The following FBXL7 variants were observed in gnomAD, a reference collection of about 807,000 sequenced individuals.
FBXL7 encodes the protein F-box and leucine rich repeat protein 7.
In FBXL7, 12 loss-of-function variants were observed where a neutral mutation model predicts 38.3. The ratio of observed to expected loss-of-function variants is 0.31; its 90% confidence interval spans 0.20 to 0.51. The LOEUF is 0.51. Among genes scored for constraint, FBXL7 ranks in the 20% least tolerant of loss-of-function variants. FBXL7 has a pLI of 0.98. For missense variants in FBXL7, 567 were observed against 676.4 expected (o/e 0.84, Z 1.79); for synonymous variants, 297 against 300.9 (o/e 0.99, Z 0.13).
intron 2 of FBXL7, among the ~76,000 whole-genome samples, chr5:15,702,146 G>A (rs1246043954): frequency 6.6e-6 from 1 of 151,176 alleles, no homozygotes; most frequent in East Asian, 2.0e-4. Flanking sequence ...ACTGGGGCAG[G>A]AAAATCGCTT....
chr5:15,570,721 G>C (rs534397846), intron 1 of FBXL7, among the ~76,000 whole-genome samples: 25 of 152,322 alleles, frequency 1.6e-4, no homozygotes, highest in African/African-American at 5.8e-4. Context: ...ACACGGCTCG[G>C]CCTGGACTTG....
intron 2 of FBXL7, among the ~76,000 whole-genome samples, chr5:15,804,879 C>G (rs1274094083): frequency 6.6e-6 from 1 of 152,190 alleles, no homozygotes; most frequent in Non-Finnish European, 1.5e-5. Flanking sequence ...CTGCCTTCCA[C>G]AAAACCAGCC....
intron 2 of FBXL7, among the ~76,000 whole-genome samples, chr5:15,768,823 A>G (rs1420838961): frequency 2.6e-5 from 4 of 152,170 alleles, no homozygotes; most frequent in South Asian, 2.1e-4. Flanking sequence ...GGGATTTGCT[A>G]TGGACTACAC....
chr5:15,636,226 T>C (rs921408074), intron 2 of FBXL7, among the ~76,000 whole-genome samples: 1 of 152,132 alleles, frequency 6.6e-6, no homozygotes, highest in Non-Finnish European at 1.5e-5. Context: ...CAATCTATTA[T>C]ATTACCACAT....
intron 2 of FBXL7, among the ~76,000 whole-genome samples, chr5:15,681,693 A>G (rs960583881): frequency 2.0e-5 from 3 of 152,250 alleles, no homozygotes; most frequent in African/African-American, 7.2e-5. Flanking sequence ...AGAAGTTTCA[A>G]AAATGTGGAT....
At chr5:15,542,719 C>A (rs1737790377) in intron 1 of FBXL7, among the ~76,000 whole-genome samples, 1 of 152,102 alleles carries the variant, frequency 6.6e-6, no homozygotes, top group South Asian at 2.1e-4. Flanking sequence ...ATCTATAAGA[C>A]CTTTTGCATG....
intron 2 of FBXL7, among the ~76,000 whole-genome samples, chr5:15,685,669 A>G (rs1007228886): frequency 6.6e-6 from 1 of 152,184 alleles, no homozygotes; most frequent in Non-Finnish European, 1.5e-5. Context: ...GCTCCTTACC[A>G]TGTGTATAAC....
intron 1 of FBXL7, among the ~76,000 whole-genome samples, chr5:15,572,300 C>A (rs1042485022): frequency 1.4e-5 from 2 of 146,590 alleles, no homozygotes; most frequent in Non-Finnish European, 3.0e-5. Context: ...ATTGCAAAGT[C>A]TTTTGGTGGT....
chr5:15,505,923 G>A (rs1183981350), intron 1 of FBXL7, among the ~76,000 whole-genome samples: 1 of 152,226 alleles, frequency 6.6e-6, no homozygotes, highest in Non-Finnish European at 1.5e-5. Flanking sequence ...CAGTCGGAAC[G>A]TTTCTGTCCA....
chr5:15,734,464 T>A (rs961953049), intron 2 of FBXL7, among the ~76,000 whole-genome samples: 4 of 152,230 alleles, frequency 2.6e-5, no homozygotes, highest in Admixed American at 6.5e-5. Flanking sequence ...TGTGGATTAT[T>A]GTAAGACATA....
chr5:15,725,830 G>T (rs1451828756), intron 2 of FBXL7, among the ~76,000 whole-genome samples: 1 of 152,090 alleles, frequency 6.6e-6, no homozygotes, highest in African/African-American at 2.4e-5. Flanking sequence ...TAGAGACAGG[G>T]TTTCACCATG....
At chr5:15,532,797 A>G (rs1031261764) in intron 1 of FBXL7, among the ~76,000 whole-genome samples, 12 of 152,246 alleles carry the variant, frequency 7.9e-5, no homozygotes, top group Non-Finnish European at 1.5e-4. Flanking sequence ...CATCAGCGCC[A>G]TGAATCCTGT....
chr5:15,885,944 C>T (rs953194420), intron 2 of FBXL7, among the ~76,000 whole-genome samples: 6 of 151,864 alleles, frequency 4.0e-5, no homozygotes, highest in African/African-American at 7.3e-5. Context: ...TGGTCTTGAA[C>T]GCCTCAGCTC....
At chr5:15,644,954 T>C (rs1471045969) in intron 2 of FBXL7, among the ~76,000 whole-genome samples, 1 of 152,118 alleles carries the variant, frequency 6.6e-6, no homozygotes, top group African/African-American at 2.4e-5. Flanking sequence ...CCTGGGACTT[T>C]ATATTCACCT....
chr5:15,815,941 C>T (rs568215911), intron 2 of FBXL7, among the ~76,000 whole-genome samples: 50 of 152,174 alleles, frequency 3.3e-4, no homozygotes, highest in African/African-American at 1.2e-3. Flanking sequence ...TTCTCACCAA[C>T]GTGATGCAAA....
chr5:15,864,495 A>G (rs916428945), intron 2 of FBXL7, among the ~76,000 whole-genome samples: 13 of 151,916 alleles, frequency 8.6e-5, no homozygotes, highest in African/African-American at 2.7e-4. Context: ...CCTGTCATTG[A>G]TATTCTAGAG....
At chr5:15,627,752 A>G (rs1031933458) in intron 2 of FBXL7, among the ~76,000 whole-genome samples, 1 of 152,162 alleles carries the variant, frequency 6.6e-6, no homozygotes. Flanking sequence ...TTTTAGGACA[A>G]ATAATCTGAT....
intron 2 of FBXL7, among the ~76,000 whole-genome samples, chr5:15,634,313 C>CTTT (rs57823645): frequency 5.3e-5 from 6 of 112,274 alleles, no homozygotes; most frequent in Non-Finnish European, 8.9e-5. Context: ...ATGTTCGTTT[C>CTTT]TTTTTTTTTT....
At position 15,842,008 on chromosome 5, in the gene FBXL7, TC is replaced by T. The variant is rs202130888; in HGVS notation, c.128-85878del. On this transcript the variant is annotated intron_variant, in intron 2 of 3. Transcript: ENST00000504595. ...GTGGGATTGGAGACCCAACACCACA[TC>T]CCCACTGGGGCACTGCTTAGTGGAG... 7.8e-3 allele frequency among the ~76,000 whole-genome samples: 1,180 copies of T among 152,252 alleles called. 20 individuals are homozygous for T. The highest frequency in any genetic ancestry group is 0.027 in the African/African-American group (1,102 of 41,564).
Sources: allele counts gnomAD v4.1 joint callset (sites outside exome capture counted in the v4.1 genomes callset), GRCh38; gene constraint gnomAD v4.1.1; transcripts MANE v1.5; gene names NCBI Gene and HGNC (gene_info 2026-07-23, HGNC 2026-07-21).